GPHN: variants seen among roughly 807,000 people sequenced by gnomAD.
GPHN encodes gephyrin.
GPHN carries 17 observed loss-of-function variants against 95.5 expected under a neutral mutation model. The observed-to-expected ratio is 0.18, with a 90% CI of 0.12 to 0.27. The LOEUF is 0.27. Among genes scored for constraint, GPHN ranks in the 10% least tolerant of loss-of-function variants. GPHN has a pLI of 1.00. For synonymous variants in GPHN, 320 were observed against 322.5 expected, an observed-to-expected ratio of 0.99 and a Z score of 0.08; for missense variants, 660 against 978.1, an observed-to-expected ratio of 0.67 and a Z score of 4.34.
intron 14 of GPHN, 46 bp downstream of exon 14, chr14:67,110,305 A>G (rs1281297477): frequency 3.1e-6 from 5 of 1,603,424 alleles, no homozygotes; most frequent in Non-Finnish European, 4.3e-6. Context: ...CTATGGCAGT[A>G]TTATGTCACA....
intron 3 of GPHN, among the ~76,000 whole-genome samples, chr14:66,802,785 G>A (rs762110865): frequency 6.6e-6 from 1 of 152,110 alleles, no homozygotes; most frequent in East Asian, 1.9e-4. Context: ...TCATGACTCT[G>A]ACCAGTGCCC....
chr14:67,312,411 CTA>C, the GPHN span: 5 of 682,816 alleles, frequency 7.3e-6, no homozygotes, highest in Non-Finnish European at 1.1e-5. Context: ...GATGCTGTCT[CTA>C]TTAAATTTTT....
chr14:67,573,245 CT>C, the GPHN span: 2 of 1,406,954 alleles, frequency 1.4e-6, no homozygotes, highest in South Asian at 1.1e-5. This position sits in a 1 kb window ranked among gnomAD's most constrained non-coding sequence, Gnocchi z 4.8. Flanking sequence ...GTGATTTCCC[CT>C]TTCTTCATCT....
the GPHN span, chr14:67,727,320 T>G: frequency 2.6e-6 from 2 of 774,100 alleles, no homozygotes; most frequent in Admixed American, 2.0e-5. Flanking sequence ...GAGAATGAAA[T>G]TATGAATGGA....
the GPHN span, among the ~76,000 whole-genome samples, chr14:67,373,873 G>GTC: frequency 6.7e-6 from 1 of 148,796 alleles, no homozygotes; most frequent in Non-Finnish European, 1.5e-5. Flanking sequence ...GTGTGTGTGT[G>GTC]TCTTCTGTGA....
intron 3 of GPHN, among the ~76,000 whole-genome samples, chr14:66,815,164 T>C (rs2060914422): frequency 6.6e-6 from 1 of 151,984 alleles, no homozygotes; most frequent in Non-Finnish European, 1.5e-5. Flanking sequence ...AAATATGGGA[T>C]TATGTAAAGA....
intron 16 of GPHN, among the ~76,000 whole-genome samples, chr14:67,116,005 A>G (rs891152534): frequency 6.6e-6 from 1 of 152,168 alleles, no homozygotes; most frequent in African/African-American, 2.4e-5. Context: ...AACTGTGCAT[A>G]TTAAAATTTA....
intron 4 of GPHN, among the ~76,000 whole-genome samples, chr14:66,852,398 C>T (rs1265051735): frequency 1.3e-5 from 2 of 152,156 alleles, no homozygotes; most frequent in Non-Finnish European, 2.9e-5. Flanking sequence ...TGTGCGTGCG[C>T]GTGCGCGTGT....
chr14:66,681,766 A>G (rs1274047), intron 2 of GPHN, among the ~76,000 whole-genome samples: 11,481 of 152,168 alleles, frequency 0.075, 546 homozygotes, highest in Non-Finnish European at 0.1. Flanking sequence ...TCTATTTCAT[A>G]AATTTTTTTT....
the GPHN span, among the ~76,000 whole-genome samples, chr14:67,604,726 A>AC: frequency 2.0e-5 from 3 of 152,160 alleles, no homozygotes; most frequent in Non-Finnish European, 4.4e-5. Flanking sequence ...CAACAACAAA[A>AC]AAAACTTTGC....
chr14:67,107,052 T>C (rs1321328576), intron 13 of GPHN, among the ~76,000 whole-genome samples: 1 of 152,146 alleles, frequency 6.6e-6, no homozygotes, highest in Admixed American at 6.5e-5. Flanking sequence ...TGTAGTCTCC[T>C]TGCAGCTTTT....
chr14:67,629,811 T>C, the GPHN span, among the ~76,000 whole-genome samples: 1 of 152,246 alleles, frequency 6.6e-6, no homozygotes, highest in Non-Finnish European at 1.5e-5. Context: ...AGGACTTGCG[T>C]TAGTGAAGAC....
At chr14:66,565,256 C>G (rs2060413975) in intron 1 of GPHN, among the ~76,000 whole-genome samples, 1 of 151,958 alleles carries the variant, frequency 6.6e-6, no homozygotes, top group Admixed American at 6.6e-5. Flanking sequence ...TCTCTTTTAG[C>G]CAGCAGTGAG....
At chr14:66,823,148 C>T (rs1276413000) in intron 3 of GPHN, 6 of 152,178 alleles carry the variant, frequency 3.9e-5, no homozygotes, top group South Asian at 2.1e-4. Context: ...ACTACAAGCG[C>T]GCTCCACCAT....
the GPHN span, among the ~76,000 whole-genome samples, chr14:67,465,697 G>T: frequency 6.6e-6 from 1 of 152,192 alleles, no homozygotes; most frequent in Non-Finnish European, 1.5e-5. Flanking sequence ...TTGAATGGTG[G>T]CCCACCAAAA....
At chr14:67,728,004 CATGTGGATGTGG>C in the GPHN span, 14 of 152,412 alleles carry the variant, frequency 9.2e-5, no homozygotes, top group East Asian at 2.5e-3. Flanking sequence ...ATGCTAGCCG[CATGTGGATGTGG>C]ATGTGGATGT....
chr14:66,865,685 C>A (rs1254525614), intron 4 of GPHN, among the ~76,000 whole-genome samples: 3 of 152,082 alleles, frequency 2.0e-5, no homozygotes, highest in African/African-American at 7.2e-5. Context: ...GATTTGAATA[C>A]CCTCTTCTCT....
chr14:67,045,561 C>G (rs1228617811), intron 10 of GPHN, among the ~76,000 whole-genome samples: 2 of 151,638 alleles, frequency 1.3e-5, no homozygotes, highest in Non-Finnish European at 1.5e-5. Flanking sequence ...CTCTCTGTCT[C>G]TCTGTCTCCC....
chr14:67,177,067 C>G (rs984589287), intron 21 of GPHN, among the ~76,000 whole-genome samples: 9 of 152,076 alleles, frequency 5.9e-5, no homozygotes, highest in Non-Finnish European at 1.3e-4. Flanking sequence ...TTTTTTGTGT[C>G]TCTATCTCCA....
Sources: gnomAD v4.1 joint callset for allele counts (sites outside exome capture counted in the v4.1 genomes callset) on GRCh38, gnomAD v4.1.1 for gene constraint, Gnocchi (gnomAD v3.1) non-coding constraint, MANE v1.5 for transcripts, NCBI Gene and HGNC (gene_info 2026-07-23, HGNC 2026-07-21) for gene names.